Variants in ABCB4 observed in about 807,000 individuals in gnomAD.
The protein encoded by ABCB4 is ATP binding cassette subfamily B member 4.
In ABCB4, 76 loss-of-function variants were observed where a neutral mutation model predicts 145.7. The observed-to-expected ratio is 0.52, with a 90% CI of 0.43 to 0.63. The LOEUF is 0.63. ABCB4 is among the 30% of genes least tolerant of loss of function. The pLI, the probability that ABCB4 is intolerant of heterozygous loss-of-function variation, is 0.00. For missense variants in ABCB4, 1,234 were observed against 1,553.1 expected (o/e 0.79, Z 3.45); for synonymous variants, 517 against 566.8 (o/e 0.91, Z 1.25).
chr7:87,465,232 C>T (rs138866544), intron 3 of ABCB4, among the ~76,000 whole-genome samples: 195 of 152,336 alleles, frequency 1.3e-3, no homozygotes, highest in South Asian at 2.5e-3. Context: ...GATTACATCC[C>T]ACGCCTGGCT....
chr7:87,466,008 G>A (rs1563002288), intron 3 of ABCB4, among the ~76,000 whole-genome samples: 1 of 152,210 alleles, frequency 6.6e-6, no homozygotes. Flanking sequence ...TCCTCCAAAG[G>A]AATGCAGCTC....
At chr7:87,445,029 A>G (rs1318942752) in intron 9 of ABCB4, 54 bp from the exon 10 acceptor site, 4 of 1,168,056 alleles carry the variant, frequency 3.4e-6, no homozygotes, top group Non-Finnish European at 3.8e-6. Flanking sequence ...ATTCATTATT[A>G]TCTAAAATGT....
intron 26 of ABCB4, chr7:87,406,040 G>A: frequency 3.6e-6 from 2 of 561,950 alleles, no homozygotes; most frequent in South Asian, 4.1e-5. Context: ...CAGTCTAAAT[G>A]CAGCCCTCAA....
chr7:87,379,725 G>A, the ABCB4 span, among the ~76,000 whole-genome samples: 1 of 152,202 alleles, frequency 6.6e-6, no homozygotes, highest in South Asian at 2.1e-4. Context: ...ATCTCCACCT[G>A]ATAATTTGCA....
intron 3 of ABCB4, among the ~76,000 whole-genome samples, chr7:87,468,121 A>G (rs1813064478): frequency 6.6e-6 from 1 of 152,206 alleles, no homozygotes; most frequent in South Asian, 2.1e-4. Context: ...GTTTTTTGAA[A>G]AGATCAACAA....
Position 87,417,457 on chromosome 7 carries a change from A to G in ABCB4, c.2537T>C (p.Ile846Thr). ...AQNIANLGTGIIISFIYGWQL... is the reference protein window; with the variant it reads ...AQNIANLGTGTIISFIYGWQL... ...CCAACCGTAGATAAATGATATGATA[A>G]TACCAGTTCCAAGGTTAGCTATATT... The change falls in exon 21 of 28, where the codon ATT (isoleucine) becomes ACT (threonine). Residue 846 changes from isoleucine to threonine, a missense_variant. By Grantham distance (89) the Ile-to-Thr change is moderately conservative (BLOSUM62 -1). Transcript: ENST00000649586. 6.2e-7 allele frequency: 1 copy of G among 1,614,190 alleles called. No individual in the cohort carries two copies. The highest frequency in any genetic ancestry group is 8.5e-7 in the Non-Finnish European group (1 of 1,180,018).
chr7:87,443,460 G>A lies in ABCB4; in HGVS notation c.1231-16C>T, dbSNP rs56229233. 987 of 1,613,090 alleles carry A rather than the reference G, an allele frequency of 6.1e-4. 1 individual carries two copies. The highest frequency in any genetic ancestry group is 7.7e-4 in the Non-Finnish European group (906 of 1,179,798). On this transcript the variant is annotated splice_polypyrimidine_tract_variant and intron_variant, in intron 11 of 27. Transcript: ENST00000649586. Reference sequence around the variant, plus strand: ...CCTTCAAGATCTGTAAGGAAAATGAGAAAAAAGAACACACTTCACAACAAA... The same window carrying A: ...CCTTCAAGATCTGTAAGGAAAATGAAAAAAAAGAACACACTTCACAACAAA...
At chr7:87,400,094 G>A (rs1807715454), downstream of ABCB4, among the ~76,000 whole-genome samples, 1 of 152,110 alleles carries the variant, frequency 6.6e-6, no homozygotes, top group Admixed American at 6.6e-5. Flanking sequence ...TTCCTTACTT[G>A]GTAGTGAGAG....
At chr7:87,448,641 A>T (rs930065998) in intron 8 of ABCB4, 1 of 152,302 alleles carries the variant, frequency 6.6e-6, no homozygotes, top group African/African-American at 2.4e-5. Flanking sequence ...TACCGGGGCT[A>T]ATGGAGCGGC....
intron 20 of ABCB4, 96 bp from the exon 21 acceptor site, chr7:87,417,611 T>TAG: frequency 2.1e-6 from 2 of 973,786 alleles, no homozygotes; most frequent in Non-Finnish European, 3.3e-6. Context: ...GTGGGTTCTA[T>TAG]GCCTGAGCTA....
chr7:87,413,785 T>C lies in ABCB4; in HGVS notation c.2683-68A>G. On this transcript the variant is annotated intron_variant, in intron 21 of 27. Transcript: ENST00000649586. ...TTCTGAAATAATGAAAAATAAGCCC[T>C]AGGGCTCTGTCAAAAGTATCCTGAA... 2.8e-6 allele frequency: 3 copies of C among 1,090,442 alleles called. No homozygotes were observed. The Admixed American group carries it at 5.1e-5, about 18-fold the overall frequency. The allele number at this position is 1,090,442 out of a possible 1,614,324, so 67.5% of individuals were successfully genotyped here.
At chr7:87,370,139 CTTAAAATACACATTTAGTACCATTATCA>C in the ABCB4 span, among the ~76,000 whole-genome samples, 3 of 152,186 alleles carry the variant, frequency 2.0e-5, no homozygotes, top group East Asian at 5.8e-4. Context: ...TAGAAGGACT[CTTAAAATACACATTTAGTACCATTATCA>C]TACCTAATGA....
chr7:87,422,870 G>A (rs1337164252), intron 17 of ABCB4, among the ~76,000 whole-genome samples: 3 of 152,074 alleles, frequency 2.0e-5, no homozygotes, highest in African/African-American at 4.8e-5. Flanking sequence ...TGTCTTCCCC[G>A]ACAGAAACCG....
Position 87,402,120 on chromosome 7 carries a change from G to A in ABCB4, c.3816C>T (p.Val1272=), listed in dbSNP as rs1029350022. ...QKGIYFSMVS[V]QAGTQNL The stretch of plus-strand genomic sequence containing the variant: ...TTCATAAGTTCTGTGTCCCAGCCTG[G>A]ACACTGACCATTGAAAAATAGATGC... Residue 1272 remains valine, a synonymous_variant, in exon 28 of 28, where the codon GTC becomes GTT. Coordinates refer to ENST00000649586, the MANE Select transcript of ABCB4 (RefSeq NM_000443.4). The A allele has an allele frequency of 1.9e-6, 3 of 1,614,032 alleles. No individual in the cohort carries two copies. The highest frequency in any genetic ancestry group is 2.5e-6 in the Non-Finnish European group (3 of 1,180,030).
chr7:87,473,407 C>T (rs1356794178), intron 2 of ABCB4, among the ~76,000 whole-genome samples: 1 of 152,186 alleles, frequency 6.6e-6, no homozygotes, highest in Non-Finnish European at 1.5e-5. Context: ...CATGAACTCA[C>T]CAAACATGTA....
At chr7:87,434,063 G>C (rs1358902029) in intron 14 of ABCB4, among the ~76,000 whole-genome samples, 1 of 151,214 alleles carries the variant, frequency 6.6e-6, no homozygotes, top group Non-Finnish European at 1.5e-5. Context: ...CCAGTAGCTG[G>C]GACTACAAGT....
At chr7:87,393,948 A>G in the ABCB4 span, among the ~76,000 whole-genome samples, 1 of 152,184 alleles carries the variant, frequency 6.6e-6, no homozygotes, top group African/African-American at 2.4e-5. Flanking sequence ...TTCAAAAACT[A>G]AAGTATTCAT....
chr7:87,374,798 AATG>A, the ABCB4 span, among the ~76,000 whole-genome samples: 1 of 152,062 alleles, frequency 6.6e-6, no homozygotes, highest in Non-Finnish European at 1.5e-5. Context: ...TCCAATTTTG[AATG>A]ATGAAGTCAG....
Position 87,412,040 on chromosome 7 carries a change from A to G in ABCB4, c.2784-7T>C, listed in dbSNP as rs1371257114. ...TGCCTTCTGCACAGAATTCCTGAAA[A>G]GCAAATCAGTATACTTGTAACCATC... On this transcript the variant is annotated splice_region_variant and splice_polypyrimidine_tract_variant and intron_variant, in intron 22 of 27. Coordinates refer to ENST00000649586, the MANE Select transcript of ABCB4 (RefSeq NM_000443.4). The G allele has an allele frequency of 1.2e-6, 2 of 1,613,488 alleles. No individual in the cohort carries two copies. The highest frequency in any genetic ancestry group is 3.3e-5 in the Admixed American group (2 of 60,002).
Sources: allele counts gnomAD v4.1 joint callset (sites outside exome capture counted in the v4.1 genomes callset), GRCh38; gene constraint gnomAD v4.1.1; transcripts MANE v1.5; gene names NCBI Gene and HGNC (gene_info 2026-07-23, HGNC 2026-07-21).